HEG1: variants seen among roughly 807,000 people sequenced by gnomAD.
HEG1 encodes heart development protein with EGF like domains 1, also known as protein HEG homolog 1.
A neutral mutation model predicts 125.6 loss-of-function variants in HEG1; 56 were observed. That is an observed-to-expected ratio of 0.45 (90% CI 0.36 to 0.56). The LOEUF is 0.56. HEG1 is among the 20% of genes least tolerant of loss of function. HEG1 has a pLI of 0.00. For synonymous variants in HEG1, 644 were observed against 668.5 expected, an observed-to-expected ratio of 0.96 and a Z score of 0.57; for missense variants, 1,523 against 1,670.0, an observed-to-expected ratio of 0.91 and a Z score of 1.53.
chr3:124,987,952 C>CATATATATATATATATATATAT (rs1553776022), intron 14 of HEG1, among the ~76,000 whole-genome samples: 5 of 54,674 alleles, frequency 9.1e-5, no homozygotes, highest in Non-Finnish European at 1.8e-4. Flanking sequence ...CACACACACA[C>CATATATATATATATATATATAT]ATATATATAT....
Position 124,971,643 on chromosome 3 carries a change from T to C in HEG1, c.3997-842A>G, listed in dbSNP as rs1370928043. 2.0e-5 allele frequency among the ~76,000 whole-genome samples: 3 copies of C among 152,010 alleles called. No homozygotes were observed. In the East Asian group the frequency reaches 5.8e-4, roughly 29 times the overall value. Reference sequence around the variant, plus strand: ...AGTAGCTGGGACTACAGGTGCATGCTACCAAGCCCAGCTAATTTTTGTATT... The same window carrying C: ...AGTAGCTGGGACTACAGGTGCATGCCACCAAGCCCAGCTAATTTTTGTATT... On this transcript the variant is annotated intron_variant, in intron 16 of 16. Transcript: ENST00000311127.
chr3:124,982,191 C>T lies in HEG1; in HGVS notation c.3734-4245G>A, dbSNP rs559559945. Among the ~76,000 whole-genome samples the T allele has an allele frequency of 7.2e-5, 11 of 152,338 alleles. No individual in the cohort carries two copies. In the South Asian group the frequency reaches 1.5e-3, roughly 20 times the overall value. ...CTGGGATTACAGGCGTGAGCCACTACGCCCAGTCATATACATATTTTTTAA... is the reference window on the plus strand; with the variant it reads ...CTGGGATTACAGGCGTGAGCCACTATGCCCAGTCATATACATATTTTTTAA... On this transcript the variant is annotated intron_variant, in intron 14 of 16. Transcript: ENST00000311127.
In HEG1 at chr3:125,025,913, G is replaced by T. The variant is rs559271920; in HGVS notation, c.913+1292C>A. On this transcript the variant is annotated intron_variant, in intron 3 of 16. Transcript: ENST00000311127. ...ACTGTATACAGGGTATGTGGAAGAAGAATTGGCTGCTTTAAACAGGCACTC... is the reference window on the plus strand; with the variant it reads ...ACTGTATACAGGGTATGTGGAAGAATAATTGGCTGCTTTAAACAGGCACTC... 2.6e-5 allele frequency among the ~76,000 whole-genome samples: 4 copies of T among 152,318 alleles called. No homozygotes were observed. In the East Asian group the frequency reaches 5.8e-4, roughly 22 times the overall value.
chr3:125,001,168 G>A (rs1330315316), intron 11 of HEG1, among the ~76,000 whole-genome samples: 1 of 151,924 alleles, frequency 6.6e-6, no homozygotes, highest in Non-Finnish European at 1.5e-5. Flanking sequence ...CATTCTTCTG[G>A]TTTTGTTTCT....
chr3:125,013,366 A>C lies in HEG1; in HGVS notation c.2213T>G (p.Leu738Trp). ...GACAGGGGTAGAAGATGACTGTGGC[A>C]AGGTTGTTTGTGAGACAGAAAGTGG... ...SAPLSVSQTT[L>W]PQSSSTPVLP... Residue 738 changes from leucine to tryptophan, a missense_variant, in exon 6 of 17, where the codon TTG becomes TGG. Coordinates refer to ENST00000311127, the MANE Select transcript of HEG1 (RefSeq NM_020733.2). 1 of 1,613,986 alleles carries C rather than the reference A, an allele frequency of 6.2e-7. No homozygotes were observed. The highest frequency in any genetic ancestry group is 8.5e-7 in the Non-Finnish European group (1 of 1,179,882).
At chr3:125,052,734 A>G (rs546459449) in intron 1 of HEG1, among the ~76,000 whole-genome samples, 1 of 152,318 alleles carries the variant, frequency 6.6e-6, no homozygotes, top group Non-Finnish European at 1.5e-5. Context: ...AGCAATAAAC[A>G]TCAGCTGAAC....
At chr3:125,036,118 G>A (rs191699525) in intron 1 of HEG1, among the ~76,000 whole-genome samples, 2 of 149,574 alleles carry the variant, frequency 1.3e-5, no homozygotes, top group East Asian at 4.0e-4. Context: ...GCTAGGGTGG[G>A]AGGACTGTTT....
intron 8 of HEG1, among the ~76,000 whole-genome samples, chr3:125,006,522 A>G (rs1020911751): frequency 5.3e-5 from 8 of 152,194 alleles, no homozygotes; most frequent in African/African-American, 1.7e-4. Flanking sequence ...AAGACCCACA[A>G]ATGAGCCAGG....
chr3:124,994,811 G>T (rs1266218589), intron 12 of HEG1, among the ~76,000 whole-genome samples: 2 of 152,194 alleles, frequency 1.3e-5, no homozygotes, highest in Non-Finnish European at 2.9e-5. Flanking sequence ...GCTGACAGTG[G>T]CATCTTAAAA....
intron 12 of HEG1, among the ~76,000 whole-genome samples, chr3:124,996,716 TC>T (rs1936928439): frequency 6.6e-6 from 1 of 152,212 alleles, no homozygotes; most frequent in African/African-American, 2.4e-5. Context: ...TCATGGGAAG[TC>T]CTGATGGAGA....
intron 3 of HEG1, among the ~76,000 whole-genome samples, chr3:125,022,488 C>T (rs1024440973): frequency 2.0e-5 from 3 of 151,134 alleles, no homozygotes; most frequent in African/African-American, 7.3e-5. Context: ...CAGCTATATC[C>T]AGAACACAGC....
chr3:125,013,262 T>C lies in HEG1; in HGVS notation c.2317A>G (p.Ser773Gly). The C allele has an allele frequency of 6.2e-7, 1 of 1,614,030 alleles. No homozygotes were observed. Among genetic ancestry groups the C allele is most frequent in the Non-Finnish European group, 8.5e-7 (1 of 1,179,892 alleles). The change falls in exon 6 of 17, where the codon AGT (serine) becomes GGT (glycine). Residue 773 changes from serine (S) to glycine (G), a missense_variant. Transcript: ENST00000311127. The stretch of plus-strand genomic sequence containing the variant: ...TGGCTCTTAAGGTCTGCAGTTTGAC[T>C]ACTATGGAGCATTGTCATGAATGAT... ...MTSFMTMLHSSQTADLKSQST... is the reference protein window; with the variant it reads ...MTSFMTMLHSGQTADLKSQST...
At chr3:125,004,947 T>C (rs920530051) in intron 9 of HEG1, among the ~76,000 whole-genome samples, 2 of 152,194 alleles carry the variant, frequency 1.3e-5, no homozygotes, top group African/African-American at 4.8e-5. Flanking sequence ...TTTCTGGGTC[T>C]TTCCTCCTCA....
At chr3:124,998,292 A>C (rs753060408) in intron 11 of HEG1, among the ~76,000 whole-genome samples, 4 of 152,188 alleles carry the variant, frequency 2.6e-5, no homozygotes, top group Non-Finnish European at 5.9e-5. Context: ...AGTACATCTC[A>C]GCTCTGTGTG....
At chr3:124,979,926 TTAAA>T (rs1936619370) in intron 14 of HEG1, among the ~76,000 whole-genome samples, 1 of 152,156 alleles carries the variant, frequency 6.6e-6, no homozygotes, top group Non-Finnish European at 1.5e-5. Context: ...ATCCTTTTAT[TTAAA>T]TAAATAGCAC....
chr3:125,014,893 C>A (rs760153028), intron 5 of HEG1: 2 of 1,289,764 alleles, frequency 1.6e-6, no homozygotes. Context: ...GTGCGTTCCC[C>A]GTTTCCAGTG....
Position 125,001,874 on chromosome 3 carries a change from T to C in HEG1, c.3495A>G (p.Gly1165=). 1.1e-5 allele frequency: 18 copies of C among 1,613,302 alleles called. No homozygotes were observed. Among genetic ancestry groups the C allele is most frequent in the Admixed American group, 1.7e-5 (1 of 59,934 alleles). Residue 1165 remains glycine, a synonymous_variant, in exon 11 of 17, where the codon GGA becomes GGG. Transcript: ENST00000311127. Reference sequence around the variant, plus strand: ...TACCTCTAAAGATCCGCCTCTGAGATCCCAAGAGCTGGCAGACCTCAGCAG... The same window carrying C: ...TACCTCTAAAGATCCGCCTCTGAGACCCCAAGAGCTGGCAGACCTCAGCAG... The part of the protein sequence containing the change: ...KSSAEVCQLL[G]SQRRIFRAGS...
At chr3:125,044,747 G>A (rs765926168) in intron 1 of HEG1, among the ~76,000 whole-genome samples, 14 of 152,160 alleles carry the variant, frequency 9.2e-5, no homozygotes, top group East Asian at 1.9e-4. Flanking sequence ...AAGACTGAGC[G>A]CTCCAGAGAA....
At chr3:125,028,758 AC>A (rs1937453559) in intron 2 of HEG1, among the ~76,000 whole-genome samples, 2 of 152,078 alleles carry the variant, frequency 1.3e-5, no homozygotes, top group Non-Finnish European at 2.9e-5. Context: ...GTGCAATTTT[AC>A]CCATTGAGCC....
Sources: gnomAD v4.1 joint callset for allele counts (sites outside exome capture counted in the v4.1 genomes callset) on GRCh38, gnomAD v4.1.1 for gene constraint, MANE v1.5 for transcripts, NCBI Gene and HGNC (gene_info 2026-07-23, HGNC 2026-07-21) for gene names.